TAF4B: variants seen among roughly 807,000 people sequenced by gnomAD.
The protein encoded by TAF4B is transcription initiation factor TFIID subunit 4B.
Under a neutral mutation model 86.4 loss-of-function variants are expected in TAF4B, and 38 were observed. The observed-to-expected ratio is 0.44, with a 90% CI of 0.34 to 0.58. TAF4B has a LOEUF of 0.58. Ranked by LOEUF, TAF4B falls within the 20% of genes least tolerant of loss-of-function variation. The probability of loss-of-function intolerance (pLI) is 0.02; values close to 1 mark genes in which losing one functional copy is unlikely to be tolerated. For missense variants in TAF4B, 988 were observed against 1,027.6 expected (o/e 0.96, Z 0.53); for synonymous variants, 388 against 391.2 (o/e 0.99, Z 0.10).
At chr18:26,254,983 C>T (rs928841796) in intron 1 of TAF4B, among the ~76,000 whole-genome samples, 1 of 152,122 alleles carries the variant, frequency 6.6e-6, no homozygotes, top group Non-Finnish European at 1.5e-5. Flanking sequence ...TTATTAACAG[C>T]TGCCTCTAGG....
intron 13 of TAF4B, among the ~76,000 whole-genome samples, chr18:26,338,470 A>ATTTTTTTTTTTTTT (rs764826705): frequency 1.4e-5 from 1 of 71,188 alleles, no homozygotes; most frequent in Non-Finnish European, 2.5e-5. Flanking sequence ...AAGAACTAGA[A>ATTTTTTTTTTTTTT]TTTTTTTTTT....
At chr18:26,273,770 G>T (rs1341958512) in intron 3 of TAF4B, among the ~76,000 whole-genome samples, 1 of 152,086 alleles carries the variant, frequency 6.6e-6, no homozygotes, top group African/African-American at 2.4e-5. Flanking sequence ...AGATTTTATT[G>T]TACATTCAAA....
At chr18:26,378,212 G>C (rs1023537195) in intron 14 of TAF4B, among the ~76,000 whole-genome samples, 1 of 152,000 alleles carries the variant, frequency 6.6e-6, no homozygotes, top group Non-Finnish European at 1.5e-5. Context: ...CATCGTGAGG[G>C]GGCAAATTCA....
At chr18:26,242,538 A>G (rs1390140729) in intron 1 of TAF4B, among the ~76,000 whole-genome samples, 2 of 152,168 alleles carry the variant, frequency 1.3e-5, no homozygotes, top group East Asian at 3.9e-4. Context: ...CTCTTTATCC[A>G]GTTTGCCAGT....
At chr18:26,387,485 G>A (rs1978442178) in intron 14 of TAF4B, among the ~76,000 whole-genome samples, 1 of 152,252 alleles carries the variant, frequency 6.6e-6, no homozygotes. Context: ...ATCTTATGAA[G>A]ATATTTTGAT....
chr18:26,294,333 G>A (rs950626713), intron 9 of TAF4B, among the ~76,000 whole-genome samples: 2 of 151,954 alleles, frequency 1.3e-5, no homozygotes, highest in African/African-American at 4.8e-5. Context: ...AGGTGTATAA[G>A]TGGTTATTAT....
Position 26,261,443 on chromosome 18 carries a change from G to A in TAF4B, c.344-3727G>A, listed in dbSNP as rs553863597. Among the ~76,000 whole-genome samples the A allele has an allele frequency of 8.6e-4, 131 of 151,994 alleles. 1 individual carries two copies. Among genetic ancestry groups the A allele is most frequent in the Middle Eastern group, 6.8e-3 (2 of 294 alleles). ...TCTCGATCTCCTGACCTTGTGATCC[G>A]CCCGCCTCGGCCTCCCAAAGTGCTG... is the stretch of plus-strand genomic sequence containing the variant. On this transcript the variant is annotated intron_variant, in intron 1 of 14. Transcript: ENST00000269142.
intron 1 of TAF4B, among the ~76,000 whole-genome samples, chr18:26,234,425 TG>T (rs2055718073): frequency 6.6e-6 from 1 of 152,244 alleles, no homozygotes; most frequent in Non-Finnish European, 1.5e-5. Context: ...TATTGCAGCA[TG>T]GGCATGTAGG....
At chr18:26,371,590 TC>T (rs2057406140) in intron 14 of TAF4B, among the ~76,000 whole-genome samples, 1 of 152,206 alleles carries the variant, frequency 6.6e-6, no homozygotes, top group African/African-American at 2.4e-5. Context: ...AGTGCAGTAA[TC>T]AGAATAGTCT....
chr18:26,377,408 G>C (rs1309168439), intron 14 of TAF4B, among the ~76,000 whole-genome samples: 1 of 152,010 alleles, frequency 6.6e-6, no homozygotes, highest in Non-Finnish European at 1.5e-5. Flanking sequence ...GCATATATGT[G>C]GTCTTGTATC....
At chr18:26,302,900 C>CT (rs780677375) in intron 9 of TAF4B, among the ~76,000 whole-genome samples, 1 of 151,804 alleles carries the variant, frequency 6.6e-6, no homozygotes, top group Non-Finnish European at 1.5e-5. Flanking sequence ...AATAGTTAAT[C>CT]TTTTTTATCT....
chr18:26,337,128 A>G (rs2057098158), intron 13 of TAF4B, among the ~76,000 whole-genome samples: 3 of 152,166 alleles, frequency 2.0e-5, no homozygotes, highest in Admixed American at 2.0e-4. Flanking sequence ...GGAATTCAGT[A>G]TAACTTCTTT....
chr18:26,313,072 C>T (rs1331244683), intron 9 of TAF4B, among the ~76,000 whole-genome samples: 2 of 152,172 alleles, frequency 1.3e-5, no homozygotes, highest in East Asian at 3.9e-4. Context: ...CCTATGTAAG[C>T]GTATGTATTT....
At chr18:26,246,975 C>G (rs930157253) in intron 1 of TAF4B, among the ~76,000 whole-genome samples, 3 of 152,180 alleles carry the variant, frequency 2.0e-5, no homozygotes, top group African/African-American at 7.2e-5. Context: ...AAGCGATTCT[C>G]CTGCCTCAGC....
intron 13 of TAF4B, among the ~76,000 whole-genome samples, chr18:26,336,636 T>A (rs577162438): frequency 6.6e-6 from 1 of 152,314 alleles, no homozygotes; most frequent in African/African-American, 2.4e-5. Flanking sequence ...TATCTAAAAT[T>A]ATTAGTATGA....
At chr18:26,385,794 G>C (rs1250373881) in intron 14 of TAF4B, among the ~76,000 whole-genome samples, 1 of 151,064 alleles carries the variant, frequency 6.6e-6, no homozygotes, top group Admixed American at 6.6e-5. Context: ...GTCAACTCTG[G>C]GGAAAGGACT....
At chr18:26,327,330 A>C (rs1407291709) in intron 12 of TAF4B, among the ~76,000 whole-genome samples, 190 bp downstream of exon 12, 3 of 152,172 alleles carry the variant, frequency 2.0e-5, no homozygotes, top group South Asian at 2.1e-4. Flanking sequence ...TAGTTTAATG[A>C]GTCATAATCT....
At chr18:26,257,659 TCTAGGGTAACA>T (rs1239466316) in intron 1 of TAF4B, among the ~76,000 whole-genome samples, 2 of 152,204 alleles carry the variant, frequency 1.3e-5, no homozygotes, top group Non-Finnish European at 2.9e-5. Flanking sequence ...GCAAATATTT[TCTAGGGTAACA>T]CTTATCCTTT....
intron 1 of TAF4B, among the ~76,000 whole-genome samples, chr18:26,228,334 C>G (rs1021051293): frequency 6.6e-6 from 1 of 152,038 alleles, no homozygotes; most frequent in African/African-American, 2.4e-5. Context: ...TGACAGGGAC[C>G]CTTTTTGTAT....
Sources: allele counts gnomAD v4.1 joint callset (sites outside exome capture counted in the v4.1 genomes callset), GRCh38; gene constraint gnomAD v4.1.1; transcripts MANE v1.5; gene names NCBI Gene and HGNC (gene_info 2026-07-23, HGNC 2026-07-21).